Variants in OR2L13 observed in about 807,000 individuals in gnomAD.
The protein encoded by OR2L13 is olfactory receptor 2L13.
OR2L13 carries 14 observed loss-of-function variants against 15.3 expected under a neutral mutation model. That is an observed-to-expected ratio of 0.91 (90% confidence interval 0.60 to 1.43). The LOEUF is 1.43. Among genes scored for constraint, OR2L13 ranks in the 40% most tolerant of loss-of-function variants. The probability of loss-of-function intolerance (pLI) is 0.00; values close to 1 mark genes in which losing one functional copy is unlikely to be tolerated. For missense variants in OR2L13, 367 were observed against 387.9 expected (o/e 0.95, Z 0.45); for synonymous variants, 152 against 142.9 (o/e 1.06, Z -0.45).
At chr1:247,967,051 A>T in the OR2L13 span, among the ~76,000 whole-genome samples, 1 of 151,764 alleles carries the variant, frequency 6.6e-6, no homozygotes, top group African/African-American at 2.4e-5. Context: ...CACACCACAC[A>T]CACACACACA....
chr1:247,948,762 G>C, the OR2L13 span: 7 of 976,388 alleles, frequency 7.2e-6, no homozygotes, highest in Admixed American at 2.4e-5. Context: ...AACATCCACT[G>C]GGGGGGCTTG....
the OR2L13 span, among the ~76,000 whole-genome samples, chr1:247,998,714 G>A: frequency 3.9e-5 from 6 of 152,066 alleles, no homozygotes; most frequent in African/African-American, 1.4e-4. Context: ...AAATAATGAA[G>A]GTAACTGCAT....
At chr1:248,033,860 A>G in the OR2L13 span, among the ~76,000 whole-genome samples, 18 of 152,160 alleles carry the variant, frequency 1.2e-4, no homozygotes, top group Admixed American at 8.5e-4. Flanking sequence ...TCTTCAACAT[A>G]GTATTGGAAG....
the OR2L13 span, chr1:248,039,202 T>G: frequency 9.3e-6 from 15 of 1,605,526 alleles, 1 homozygote; most frequent in South Asian, 1.7e-4. Flanking sequence ...TCAGTGAAAA[T>G]GTAGACATAC....
the OR2L13 span, among the ~76,000 whole-genome samples, chr1:247,953,552 T>C: frequency 1.3e-5 from 2 of 152,194 alleles, no homozygotes; most frequent in East Asian, 3.9e-4. Flanking sequence ...TGTGGTTCAA[T>C]AGTCAAATAG....
At chr1:248,003,367 G>A in the OR2L13 span, 11 of 1,607,892 alleles carry the variant, frequency 6.8e-6, no homozygotes, top group African/African-American at 1.3e-4. Flanking sequence ...TTGTTCCTAA[G>A]ATGGCATCTG....
At chr1:248,010,265 C>A in the OR2L13 span, among the ~76,000 whole-genome samples, 1 of 151,988 alleles carries the variant, frequency 6.6e-6, no homozygotes, top group Admixed American at 6.6e-5. Flanking sequence ...ATTTAGGGAA[C>A]CGCATAGTCT....
At chr1:248,020,820 A>G in the OR2L13 span, among the ~76,000 whole-genome samples, 1 of 151,382 alleles carries the variant, frequency 6.6e-6, no homozygotes, top group Non-Finnish European at 1.5e-5. Flanking sequence ...ATTTTTTATT[A>G]TACTTTAACT....
chr1:248,034,750 A>G, the OR2L13 span, among the ~76,000 whole-genome samples: 1 of 152,208 alleles, frequency 6.6e-6, no homozygotes, highest in Non-Finnish European at 1.5e-5. Flanking sequence ...TGTAAATAAA[A>G]TCACAATCTC....
the OR2L13 span, chr1:247,965,424 TCTTTTC>T: frequency 6.2e-7 from 1 of 1,613,306 alleles, no homozygotes; most frequent in African/African-American, 1.3e-5. Context: ...TACTTGTTGG[TCTTTTC>T]CAATATGGCT....
the OR2L13 span, chr1:248,021,910 CT>C: frequency 6.5e-7 from 1 of 1,539,700 alleles, no homozygotes; most frequent in East Asian, 2.2e-5. Flanking sequence ...TTGACTTACC[CT>C]TGTGTCTCCC....
At chr1:247,979,004 TG>T in the OR2L13 span, among the ~76,000 whole-genome samples, 1 of 152,122 alleles carries the variant, frequency 6.6e-6, no homozygotes, top group Non-Finnish European at 1.5e-5. Flanking sequence ...TGGGTAGTCT[TG>T]AGTCATGACC....
the OR2L13 span, chr1:247,938,944 C>T: frequency 1.2e-4 from 18 of 152,252 alleles, no homozygotes; most frequent in East Asian, 1.9e-3. Flanking sequence ...CGTTGTAGGT[C>T]GCTGGTAGCT....
chr1:248,010,770 T>TC, the OR2L13 span, among the ~76,000 whole-genome samples: 2 of 133,170 alleles, frequency 1.5e-5, no homozygotes, highest in Non-Finnish European at 3.2e-5. Flanking sequence ...GTTGTTTTTT[T>TC]TTTTTTTTTT....
chr1:248,061,187 A>C, the OR2L13 span: 1 of 1,537,534 alleles, frequency 6.5e-7, no homozygotes. Context: ...CCTTATTGCC[A>C]ATCCAGGGCC....
the OR2L13 span, among the ~76,000 whole-genome samples, chr1:248,002,094 G>A: frequency 3.0e-3 from 454 of 152,010 alleles, 2 homozygotes; most frequent in African/African-American, 1.0e-2. Flanking sequence ...TGACATTTAT[G>A]AAAATAATTT....
the OR2L13 span, among the ~76,000 whole-genome samples, chr1:247,995,110 T>TGCTTTTATCTTTA: frequency 2.0e-5 from 3 of 152,340 alleles, no homozygotes; most frequent in East Asian, 3.9e-4. Context: ...TTAGGTCCAA[T>TGCTTTTATCTTTA]AGCTTTTATC....
chr1:248,040,734 A>C, the OR2L13 span: 1 of 152,340 alleles, frequency 6.6e-6, no homozygotes, highest in East Asian at 1.9e-4. Context: ...CTTGCTGTCA[A>C]TAGTAGGATA....
chr1:248,038,690 G>A, the OR2L13 span: 2 of 1,614,114 alleles, frequency 1.2e-6, no homozygotes, highest in South Asian at 2.2e-5. Context: ...GAGTGTGTGT[G>A]ATGATGATAA....
Sources: gnomAD v4.1 joint callset for allele counts (sites outside exome capture counted in the v4.1 genomes callset) on GRCh38, gnomAD v4.1.1 for gene constraint, MANE v1.5 for transcripts, NCBI Gene and HGNC (gene_info 2026-07-23, HGNC 2026-07-21) for gene names.